SI: variants seen among roughly 807,000 people sequenced by gnomAD.
The protein encoded by SI is sucrase-isomaltase, intestinal.
In SI, 235 loss-of-function variants were observed where a neutral mutation model predicts 253.3. The observed-to-expected ratio is 0.93, with a 90% confidence interval of 0.83 to 1.03. The LOEUF (loss-of-function observed/expected upper bound fraction) is 1.03, where lower values mean the gene tolerates loss of function less well. Ranked by LOEUF, SI falls within the 50% of genes least tolerant of loss-of-function variation. SI has a pLI of 0.00. For missense variants in SI, 2,442 were observed against 2,211.1 expected, an observed-to-expected ratio of 1.10 and a Z score of -2.09; for synonymous variants, 819 against 712.0, an observed-to-expected ratio of 1.15 and a Z score of -2.39.
At chr3:165,021,636 G>T (rs1711624835) in intron 26 of SI, among the ~76,000 whole-genome samples, 1 of 151,328 alleles carries the variant, frequency 6.6e-6, no homozygotes, top group South Asian at 2.1e-4. Flanking sequence ...TAAATAATAA[G>T]AAATCAAAAC....
At chr3:165,061,281 T>G (rs1019796593) in intron 9 of SI, among the ~76,000 whole-genome samples, 3 of 152,002 alleles carry the variant, frequency 2.0e-5, no homozygotes, top group Non-Finnish European at 1.5e-5. Flanking sequence ...TGCCAACTTA[T>G]GTTTGACAAT....
chr3:164,981,317 T>A (rs1044858156), intron 47 of SI, among the ~76,000 whole-genome samples: 1 of 151,928 alleles, frequency 6.6e-6, no homozygotes, highest in Non-Finnish European at 1.5e-5. Flanking sequence ...GTAGGATGGG[T>A]GTTGAGTTTC....
intron 44 of SI, among the ~76,000 whole-genome samples, chr3:164,989,361 AAAGAAAGAAAGGAAGAAAGAAAGAAAGG>A (rs1465375310): frequency 3.8e-4 from 47 of 122,358 alleles, no homozygotes; most frequent in African/African-American, 1.4e-3. Flanking sequence ...AAGAAGAAAG[AAAGAAAGAAAGGAAGAAAGAAAGAAAGG>A]AAGAAAGAAA....
At chr3:165,012,327 T>C (rs1718810768) in intron 34 of SI, among the ~76,000 whole-genome samples, 1 of 152,284 alleles carries the variant, frequency 6.6e-6, no homozygotes, top group South Asian at 2.1e-4. Context: ...CAGCACAACA[T>C]TGCCCCTATA....
rs945462303 is a variant in SI, at chr3:165,044,822, C to A, written c.1888-1647G>T. On this transcript the variant is annotated intron_variant, in intron 16 of 47. Transcript: ENST00000264382. ...GTATTCTGCTTAAGAAATTATTTCT[C>A]TAACCTGATGTCATAAATTTACCAT... Among the ~76,000 whole-genome samples the A allele has an allele frequency of 5.9e-5, 9 of 152,020 alleles. No individual in the cohort carries two copies. The East Asian group carries it at 1.7e-3, about 29-fold the overall frequency.
upstream of SI, among the ~76,000 whole-genome samples, chr3:165,079,399 A>G (rs1715202984): frequency 6.6e-6 from 1 of 151,692 alleles, no homozygotes; most frequent in Non-Finnish European, 1.5e-5. Context: ...ATATTAAAAT[A>G]ATGTGTTTGC....
At chr3:164,986,146 T>TA (rs1717423297) in intron 45 of SI, among the ~76,000 whole-genome samples, 3 of 152,138 alleles carry the variant, frequency 2.0e-5, no homozygotes, top group African/African-American at 7.2e-5. Context: ...TTGTACATTT[T>TA]GGGGGCTCAA....
At chr3:165,012,856 A>G (rs1662383858) in intron 34 of SI, 124 bp downstream of exon 34, 4 of 751,046 alleles carry the variant, frequency 5.3e-6, no homozygotes, top group Non-Finnish European at 7.3e-6. Flanking sequence ...ATGGTCTGAT[A>G]TCGATAATTT....
At chr3:165,089,087 CTTT>C in the SI span, among the ~76,000 whole-genome samples, 10 of 46,346 alleles carry the variant, frequency 2.2e-4, no homozygotes, top group Non-Finnish European at 2.8e-4. Context: ...TTTCTTTTTT[CTTT>C]TTTTTTTAAT....
chr3:165,036,981 T>TA (rs1272322266), intron 21 of SI, among the ~76,000 whole-genome samples: 1 of 151,740 alleles, frequency 6.6e-6, no homozygotes, highest in Non-Finnish European at 1.5e-5. Context: ...TTTTTTTTTT[T>TA]AGTTACATTT....
chr3:165,057,701 GA>G (rs368533043), intron 12 of SI, among the ~76,000 whole-genome samples: 6,053 of 123,746 alleles, frequency 0.049, 348 homozygotes, highest in African/African-American at 0.15. Context: ...ATGCTGTAGA[GA>G]AAAAAAAAAA....
At chr3:165,085,487 C>G in the SI span, among the ~76,000 whole-genome samples, 2 of 152,074 alleles carry the variant, frequency 1.3e-5, no homozygotes, top group Admixed American at 1.3e-4. Context: ...GCTTATTTAA[C>G]TCAAATGTTT....
At chr3:165,053,076 A>G (rs1043595702) in intron 13 of SI, among the ~76,000 whole-genome samples, 8 of 151,794 alleles carry the variant, frequency 5.3e-5, no homozygotes, top group Non-Finnish European at 1.0e-4. Flanking sequence ...TTTTAAAAAT[A>G]TTGACTAACA....
intron 3 of SI, among the ~76,000 whole-genome samples, chr3:165,070,562 A>C (rs1714510170): frequency 6.6e-6 from 1 of 151,570 alleles, no homozygotes; most frequent in Non-Finnish European, 1.5e-5. Flanking sequence ...AGACAATTCT[A>C]CAAAAAAAAT....
At chr3:165,037,855 A>T in intron 21 of SI, 45 bp downstream of exon 21, 1 of 1,315,182 alleles carries the variant, frequency 7.6e-7, no homozygotes, top group Non-Finnish European at 1.1e-6. Flanking sequence ...AAATATTAAG[A>T]TTTGAATTTT....
At chr3:165,060,795 G>T (rs995858197) in intron 9 of SI, among the ~76,000 whole-genome samples, 1 of 144,950 alleles carries the variant, frequency 6.9e-6, no homozygotes, top group African/African-American at 2.5e-5. Context: ...ATTTTCTTTG[G>T]TTTAGGCTTT....
chr3:165,039,204 T>A (rs1018904356), intron 19 of SI, 70 bp from the exon 20 acceptor site: 2 of 1,090,518 alleles, frequency 1.8e-6, no homozygotes, highest in South Asian at 2.7e-5. Flanking sequence ...AATATTAAGT[T>A]GGGTTTTCAT....
intron 37 of SI, 85 bp from the exon 38 acceptor site, chr3:164,998,758 A>C: frequency 8.5e-7 from 1 of 1,174,060 alleles, no homozygotes; most frequent in Non-Finnish European, 1.3e-6. Flanking sequence ...TGTAAAAAAA[A>C]ATAGTGATTT....
At chr3:165,085,601 G>C in the SI span, among the ~76,000 whole-genome samples, 4 of 152,236 alleles carry the variant, frequency 2.6e-5, 1 homozygote, top group East Asian at 7.7e-4. Flanking sequence ...CTATCGGTAT[G>C]TTAAATAATG....
Sources: gnomAD v4.1 joint callset for allele counts (sites outside exome capture counted in the v4.1 genomes callset) on GRCh38, gnomAD v4.1.1 for gene constraint, MANE v1.5 for transcripts, NCBI Gene and HGNC (gene_info 2026-07-23, HGNC 2026-07-21) for gene names.